Variants in CAMTA1 observed in about 807,000 individuals in gnomAD.
CAMTA1 encodes calmodulin binding transcription activator 1.
Under a neutral mutation model 170.9 loss-of-function variants are expected in CAMTA1, and 27 were observed. The observed-to-expected ratio is 0.16, with a 90% confidence interval of 0.12 to 0.22. The LOEUF (loss-of-function observed/expected upper bound fraction) is 0.22. Ranked by LOEUF, CAMTA1 falls within the 10% of genes least tolerant of loss-of-function variation. The pLI, the probability that CAMTA1 is intolerant of heterozygous loss-of-function variation, is 1.00. For synonymous variants in CAMTA1, 833 were observed against 891.5 expected, an observed-to-expected ratio of 0.93 and a Z score of 1.17; for missense variants, 1,619 against 2,217.2, an observed-to-expected ratio of 0.73 and a Z score of 5.42.
At chr1:7,275,891 A>G (rs1033166500) in intron 5 of CAMTA1, among the ~76,000 whole-genome samples, 157 of 152,294 alleles carry the variant, frequency 1.0e-3, no homozygotes, top group African/African-American at 3.6e-3. Context: ...TTGTCAGGTC[A>G]TTTTATGACA....
intron 3 of CAMTA1, among the ~76,000 whole-genome samples, chr1:6,912,312 C>T (rs778704900): frequency 9.2e-5 from 14 of 152,130 alleles, no homozygotes; most frequent in African/African-American, 3.4e-4. Flanking sequence ...AGCAGGCCAG[C>T]GGGGTAAGCA....
intron 5 of CAMTA1, among the ~76,000 whole-genome samples, chr1:7,274,843 G>A (rs2149422056): frequency 6.6e-6 from 1 of 152,144 alleles, no homozygotes; most frequent in Non-Finnish European, 1.5e-5. Context: ...ATATTATAAA[G>A]GAAACTAGAA....
chr1:6,785,725 C>A (rs1163167406), intron 1 of CAMTA1, 150 bp downstream of exon 1: 1 of 38,056 alleles, frequency 2.6e-5, no homozygotes, highest in Non-Finnish European at 5.3e-5. Flanking sequence ...AGGGGGCCGG[C>A]GGGGTGGGGG....
chr1:7,593,601 T>C (rs2095371077), intron 6 of CAMTA1, among the ~76,000 whole-genome samples: 1 of 151,084 alleles, frequency 6.6e-6, no homozygotes, highest in Non-Finnish European at 1.5e-5. Context: ...GCGATTCTCC[T>C]GCCTCAGCCT....
At chr1:7,026,869 C>T (rs1265685855) in intron 3 of CAMTA1, among the ~76,000 whole-genome samples, 1 of 152,112 alleles carries the variant, frequency 6.6e-6, no homozygotes, top group Non-Finnish European at 1.5e-5. Flanking sequence ...ACCTCATGAT[C>T]CACCCACCTC....
chr1:7,196,182 G>A (rs1190847998), intron 4 of CAMTA1, among the ~76,000 whole-genome samples: 1 of 151,874 alleles, frequency 6.6e-6, no homozygotes, highest in East Asian at 1.9e-4. Context: ...TTAAAAGTGT[G>A]TGGCACTTCC....
intron 4 of CAMTA1, among the ~76,000 whole-genome samples, chr1:7,231,348 T>A (rs139014537): frequency 1.5e-3 from 217 of 141,374 alleles, no homozygotes; most frequent in Middle Eastern, 7.0e-3. Context: ...TGTGTGTGTG[T>A]GTGAGAGAGA....
chr1:7,287,012 C>T (rs1672440567), intron 5 of CAMTA1, among the ~76,000 whole-genome samples: 2 of 152,190 alleles, frequency 1.3e-5, no homozygotes, highest in South Asian at 4.1e-4. Flanking sequence ...GAGACTTACT[C>T]CATCAGTAAG....
chr1:7,429,294 G>A (rs920809707), intron 5 of CAMTA1, among the ~76,000 whole-genome samples: 6 of 152,226 alleles, frequency 3.9e-5, no homozygotes, highest in African/African-American at 1.4e-4. Flanking sequence ...ATAGTGCACG[G>A]CATATTTTAA....
At chr1:7,730,629 T>G (rs1288190228) in intron 11 of CAMTA1, among the ~76,000 whole-genome samples, 1 of 152,052 alleles carries the variant, frequency 6.6e-6, no homozygotes, top group African/African-American at 2.4e-5. Flanking sequence ...AGGCACGGGG[T>G]TTCAGCCTGT....
intron 5 of CAMTA1, among the ~76,000 whole-genome samples, chr1:7,446,046 A>G (rs1057361846): frequency 6.6e-6 from 1 of 151,982 alleles, no homozygotes; most frequent in African/African-American, 2.4e-5. Context: ...TGGGTGGACA[A>G]TCCCTCTCTG....
At chr1:7,267,727 T>A (rs1669139948) in intron 5 of CAMTA1, among the ~76,000 whole-genome samples, 1 of 152,086 alleles carries the variant, frequency 6.6e-6, no homozygotes, top group Non-Finnish European at 1.5e-5. Context: ...TGCTGATGAG[T>A]CATTTGCTGA....
At chr1:7,430,850 T>A (rs1245511438) in intron 5 of CAMTA1, among the ~76,000 whole-genome samples, 1 of 152,224 alleles carries the variant, frequency 6.6e-6, no homozygotes, top group Non-Finnish European at 1.5e-5. Flanking sequence ...CCTATTAGAG[T>A]CTCATGCATC....
chr1:7,377,739 G>A (rs202177404), intron 5 of CAMTA1, among the ~76,000 whole-genome samples: 2 of 152,104 alleles, frequency 1.3e-5, no homozygotes, highest in East Asian at 1.9e-4. Flanking sequence ...GGCCAACATG[G>A]TGAAACCCTG....
At position 6,965,608 on chromosome 1, in the gene CAMTA1, G is replaced by A. The variant is rs533655623; in HGVS notation, c.235-125696G>A. 3.9e-5 allele frequency among the ~76,000 whole-genome samples: 6 copies of A among 152,238 alleles called. No individual in the cohort carries two copies. The highest frequency in any genetic ancestry group is 5.9e-5 in the Non-Finnish European group (4 of 68,034). ...TTTCTCTAAAGGAAAAAAAATGGAC[G>A]TGCCGCCTGTTAGCTAATCAACAGT... On this transcript the variant is annotated intron_variant, in intron 3 of 22. Transcript: ENST00000303635. This position sits in a 1 kb window ranked among gnomAD's most constrained non-coding sequence, Gnocchi z 4.1.
chr1:7,482,337 G>A lies in CAMTA1; in HGVS notation c.510+14436G>A, dbSNP rs572970396. ...GAATGGTGTCCATCCATCCAGCACCGGGCTTCCTGAGGGCAGGGCCAGGTC... is the reference window on the plus strand; with the variant it reads ...GAATGGTGTCCATCCATCCAGCACCAGGCTTCCTGAGGGCAGGGCCAGGTC... On this transcript the variant is annotated intron_variant, in intron 6 of 22. Coordinates refer to ENST00000303635, the MANE Select transcript of CAMTA1 (RefSeq NM_015215.4). This position sits in a 1 kb window ranked among gnomAD's most constrained non-coding sequence, Gnocchi z 4.2. Among the ~76,000 whole-genome samples the A allele has an allele frequency of 2.0e-5, 3 of 152,062 alleles. No individual in the cohort carries two copies. The highest frequency in any genetic ancestry group is 2.4e-5 in the African/African-American group (1 of 41,412).
At chr1:7,654,652 C>CTG (rs1357252419) in intron 7 of CAMTA1, among the ~76,000 whole-genome samples, 2 of 74,702 alleles carry the variant, frequency 2.7e-5, no homozygotes, top group African/African-American at 8.7e-5. Flanking sequence ...AAGCACACAC[C>CTG]TATACACACA....
intron 5 of CAMTA1, among the ~76,000 whole-genome samples, chr1:7,309,051 C>CT (rs558794189): frequency 6.6e-6 from 1 of 152,068 alleles, no homozygotes; most frequent in Admixed American, 6.5e-5. Context: ...AGCAGTGTCT[C>CT]TTTTTATCAT....
chr1:7,065,393 C>T lies in CAMTA1; in HGVS notation c.235-25911C>T, dbSNP rs1046061423. On this transcript the variant is annotated intron_variant, in intron 3 of 22. Transcript: ENST00000303635. The surrounding 1 kb of genome is among the most constrained non-coding windows in gnomAD (Gnocchi z 5.2). ...TGACCTAGAGGTTCAGAGTGGCCAG[C>T]GGGAAGTTTTGTAGTGAATATAGAG... Among the ~76,000 whole-genome samples, 34 of 151,566 alleles carry T rather than the reference C, an allele frequency of 2.2e-4. No individual in the cohort carries two copies. The highest frequency in any genetic ancestry group is 2.6e-4 in the Admixed American group (4 of 15,218).
Sources: gnomAD v4.1 joint callset for allele counts (sites outside exome capture counted in the v4.1 genomes callset) on GRCh38, gnomAD v4.1.1 for gene constraint, Gnocchi (gnomAD v3.1) non-coding constraint, MANE v1.5 for transcripts, NCBI Gene and HGNC (gene_info 2026-07-23, HGNC 2026-07-21) for gene names.